Variants in RPS6KC1 observed in about 807,000 individuals in gnomAD.
The protein encoded by RPS6KC1 is ribosomal protein S6 kinase C1, also known as inactive ribosomal protein S6 kinase delta-1.
A neutral mutation model predicts 103.8 loss-of-function variants in RPS6KC1; 54 were observed. The observed-to-expected ratio is 0.52, with a 90% CI of 0.42 to 0.65. The LOEUF (loss-of-function observed/expected upper bound fraction) is 0.65, where lower values mean the gene tolerates loss of function less well. Among genes scored for constraint, RPS6KC1 ranks in the 30% least tolerant of loss-of-function variants. The pLI is 0.00. For missense variants in RPS6KC1, 1,151 were observed against 1,253.8 expected (o/e 0.92, Z 1.24); for synonymous variants, 439 against 438.7 (o/e 1.00, Z -0.01).
At chr1:213,186,000 ACACAAAAATAATCT>A (rs2092510886) in intron 8 of RPS6KC1, among the ~76,000 whole-genome samples, 1 of 151,674 alleles carries the variant, frequency 6.6e-6, no homozygotes, top group Non-Finnish European at 1.5e-5. Context: ...AAAAAAAACT[ACACAAAAATAATCT>A]GCAGTTTAAC....
chr1:213,404,057 T>G, the RPS6KC1 span, among the ~76,000 whole-genome samples: 2 of 152,086 alleles, frequency 1.3e-5, no homozygotes, highest in Admixed American at 1.3e-4. Flanking sequence ...AGCGAGGATG[T>G]GGATAGTCGC....
At chr1:213,568,304 G>C in the RPS6KC1 span, among the ~76,000 whole-genome samples, 1 of 152,276 alleles carries the variant, frequency 6.6e-6, no homozygotes, top group African/African-American at 2.4e-5. Flanking sequence ...TCTACAGATC[G>C]CTCTGGGATG....
At chr1:213,304,601 G>A in the RPS6KC1 span, among the ~76,000 whole-genome samples, 1 of 150,822 alleles carries the variant, frequency 6.6e-6, no homozygotes, top group Non-Finnish European at 1.5e-5. Flanking sequence ...GGAGTGCAAT[G>A]GTGCCATCTT....
At chr1:213,351,218 G>T in the RPS6KC1 span, among the ~76,000 whole-genome samples, 1 of 152,138 alleles carries the variant, frequency 6.6e-6, no homozygotes, top group Non-Finnish European at 1.5e-5. Context: ...TTTTAAAGTT[G>T]TAGCTAGATT....
the RPS6KC1 span, among the ~76,000 whole-genome samples, chr1:213,337,992 A>G: frequency 6.6e-6 from 1 of 152,124 alleles, no homozygotes; most frequent in Non-Finnish European, 1.5e-5. Flanking sequence ...GTGTGTCTGC[A>G]TGTGCATGTC....
Position 213,240,943 on chromosome 1 carries a change from T to C in RPS6KC1, c.1467T>C (p.Asp489=), listed in dbSNP as rs774602789. Residue 489 remains aspartate (D), a synonymous_variant, in exon 11 of 15, where the codon GAT becomes GAC. Coordinates refer to ENST00000366960, the MANE Select transcript of RPS6KC1 (RefSeq NM_012424.6). The part of the protein sequence containing the change: ...SSQDDSNQED[D]GQDSSPKWPD... ...AAGATGACAGCAACCAGGAAGATGA[T>C]GGCCAAGATAGCTCTCCAAAGTGGC... 7.4e-6 allele frequency: 12 copies of C among 1,613,880 alleles called. No homozygotes were observed. Among genetic ancestry groups the C allele is most frequent in the South Asian group, 1.1e-5 (1 of 91,074 alleles).
chr1:213,081,475 C>G (rs992309375), intron 3 of RPS6KC1, among the ~76,000 whole-genome samples: 1 of 152,040 alleles, frequency 6.6e-6, no homozygotes, highest in African/African-American at 2.4e-5. Context: ...CCAGGCCTCA[C>G]CTTGAACGTT....
chr1:213,097,862 A>G (rs774947066), intron 3 of RPS6KC1, among the ~76,000 whole-genome samples: 1 of 152,056 alleles, frequency 6.6e-6, no homozygotes, highest in Non-Finnish European at 1.5e-5. Context: ...CTAGCTTCCA[A>G]CTTTTCTTTT....
At chr1:213,060,169 A>T (rs552535117) in intron 1 of RPS6KC1, among the ~76,000 whole-genome samples, 2 of 152,368 alleles carry the variant, frequency 1.3e-5, no homozygotes, top group South Asian at 4.1e-4. Flanking sequence ...AGTAATATGT[A>T]GTCATACACA....
At chr1:213,758,952 T>C in the RPS6KC1 span, among the ~76,000 whole-genome samples, 2 of 149,866 alleles carry the variant, frequency 1.3e-5, no homozygotes, top group African/African-American at 4.9e-5. Context: ...AAGGCAGTGG[T>C]AGGGCTTGAG....
At chr1:213,852,759 C>T in the RPS6KC1 span, among the ~76,000 whole-genome samples, 51 of 152,298 alleles carry the variant, frequency 3.3e-4, no homozygotes, top group Non-Finnish European at 5.0e-4. Context: ...GACAAACATA[C>T]ACAGGTAACA....
the RPS6KC1 span, among the ~76,000 whole-genome samples, chr1:213,724,447 G>T: frequency 6.6e-6 from 1 of 152,122 alleles, no homozygotes; most frequent in Non-Finnish European, 1.5e-5. Context: ...TCCCTATCCT[G>T]GTCACTTGTC....
the RPS6KC1 span, among the ~76,000 whole-genome samples, chr1:213,309,481 A>G: frequency 6.6e-6 from 1 of 152,178 alleles, no homozygotes; most frequent in Non-Finnish European, 1.5e-5. Flanking sequence ...TAAAGTGAAA[A>G]GTATCGGAGT....
rs145480825 is a variant in RPS6KC1 at position 213,196,974 on chromosome 1, T to A, written c.1044+20482T>A. 9.2e-3 allele frequency among the ~76,000 whole-genome samples: 1,401 copies of A among 152,184 alleles called. 43 individuals carry two copies. The highest frequency in any genetic ancestry group is 0.07 in the East Asian group (361 of 5,160). Reference sequence around the variant, plus strand: ...GCCTCAGCCTCCTGAGTAGCTGGGATTACGGGCATGTGCCACCATGCCTGG... The same window carrying A: ...GCCTCAGCCTCCTGAGTAGCTGGGAATACGGGCATGTGCCACCATGCCTGG... On this transcript the variant is annotated intron_variant, in intron 8 of 14. Transcript: ENST00000366960.
At chr1:213,589,598 C>T in the RPS6KC1 span, among the ~76,000 whole-genome samples, 212 of 150,204 alleles carry the variant, frequency 1.4e-3, 1 homozygote, top group Non-Finnish European at 2.1e-3. Flanking sequence ...GCCGAGATTG[C>T]GCCATTGCAC....
the RPS6KC1 span, among the ~76,000 whole-genome samples, chr1:213,556,568 G>T: frequency 0.05 from 7,665 of 152,278 alleles, 206 homozygotes; most frequent in Non-Finnish European, 0.066. Flanking sequence ...AGAATATGAA[G>T]AAATTTTTAA....
chr1:213,779,567 A>G, the RPS6KC1 span, among the ~76,000 whole-genome samples: 1 of 152,176 alleles, frequency 6.6e-6, no homozygotes, highest in African/African-American at 2.4e-5. Context: ...TGGTTTAAAA[A>G]CTTGATGGAT....
the RPS6KC1 span, among the ~76,000 whole-genome samples, chr1:213,742,607 C>T: frequency 6.6e-5 from 10 of 152,350 alleles, no homozygotes; most frequent in South Asian, 4.1e-4. Context: ...AGCATGCTTT[C>T]GATGGCTTGT....
At chr1:213,622,680 A>G in the RPS6KC1 span, among the ~76,000 whole-genome samples, 10 of 151,970 alleles carry the variant, frequency 6.6e-5, no homozygotes, top group Admixed American at 3.3e-4. Flanking sequence ...TGACCCCCAT[A>G]GGCACTTGAT....
Sources: gnomAD v4.1 joint callset for allele counts (sites outside exome capture counted in the v4.1 genomes callset) on GRCh38, gnomAD v4.1.1 for gene constraint, MANE v1.5 for transcripts, NCBI Gene and HGNC (gene_info 2026-07-23, HGNC 2026-07-21) for gene names.